The following PRKN variants were observed in gnomAD, a reference collection of about 807,000 sequenced individuals.
The protein encoded by PRKN is parkin RBR E3 ubiquitin protein ligase, also known as E3 ubiquitin-protein ligase parkin.
PRKN carries 56 observed loss-of-function variants against 59.5 expected under a neutral mutation model. That is an observed-to-expected ratio of 0.94 (90% confidence interval 0.76 to 1.18). The LOEUF (loss-of-function observed/expected upper bound fraction) is 1.18. Among genes scored for constraint, PRKN ranks in the 50% most tolerant of loss-of-function variants. PRKN has a pLI of 0.00. For synonymous variants in PRKN, 250 were observed against 222.1 expected (o/e 1.13, Z -1.12); for missense variants, 657 against 596.4 (o/e 1.10, Z -1.06).
At position 161,554,990 on chromosome 6, in the gene PRKN, T is replaced by C. The variant is rs894135317; in HGVS notation, c.934-5987A>G. ...ATTTCTGGATCAATTTTCACAAGCA[T>C]ACTGTGTCAGGAAAGTTGTACTGAA... On this transcript the variant is annotated intron_variant, in intron 8 of 11. Transcript: ENST00000366898. This position sits in a 1 kb window ranked among gnomAD's most constrained non-coding sequence, Gnocchi z 4.5. Among the ~76,000 whole-genome samples, 6 of 152,228 alleles carry C rather than the reference T, an allele frequency of 3.9e-5. No individual in the cohort carries two copies. The highest frequency in any genetic ancestry group is 1.4e-4 in the African/African-American group (6 of 41,546).
intron 6 of PRKN, among the ~76,000 whole-genome samples, chr6:161,885,961 A>T (rs148191482): frequency 6.4e-4 from 97 of 152,218 alleles, no homozygotes; most frequent in African/African-American, 2.2e-3. Context: ...AAATGTGGGG[A>T]TATAAAATAA....
At chr6:162,510,177 A>G (rs866780806) in intron 1 of PRKN, among the ~76,000 whole-genome samples, 140 of 152,350 alleles carry the variant, frequency 9.2e-4, no homozygotes, top group African/African-American at 3.2e-3. Flanking sequence ...CTCTACGTTC[A>G]CTAAATAGAC....
At chr6:161,505,405 A>C (rs1203198222) in intron 9 of PRKN, among the ~76,000 whole-genome samples, 1 of 150,580 alleles carries the variant, frequency 6.6e-6, no homozygotes, top group Non-Finnish European at 1.5e-5. Context: ...GTTTGAGTTC[A>C]TTGTAGATTC....
chr6:162,687,339 C>A (rs992535804), intron 1 of PRKN, among the ~76,000 whole-genome samples: 3 of 151,838 alleles, frequency 2.0e-5, no homozygotes, highest in Non-Finnish European at 4.4e-5. Context: ...GTGCTCACCA[C>A]CACACCCGGC....
intron 6 of PRKN, among the ~76,000 whole-genome samples, chr6:161,843,877 A>G (rs1436230734): frequency 1.3e-5 from 2 of 152,130 alleles, no homozygotes; most frequent in Non-Finnish European, 1.5e-5. Context: ...CTCAGTTTGC[A>G]TCGAGGGTGA....
chr6:162,604,594 T>TC (rs1169672539), intron 1 of PRKN, among the ~76,000 whole-genome samples: 1 of 151,940 alleles, frequency 6.6e-6, no homozygotes, highest in Admixed American at 6.6e-5. Flanking sequence ...TCCATGTTTT[T>TC]CCCCCACACT....
intron 4 of PRKN, among the ~76,000 whole-genome samples, chr6:162,157,176 T>C (rs1382780449): frequency 1.3e-5 from 2 of 152,034 alleles, no homozygotes; most frequent in Non-Finnish European, 2.9e-5. Context: ...CTACTCTTTT[T>C]AGTCTATTCT....
chr6:162,287,631 AT>A (rs1175890383), intron 2 of PRKN, among the ~76,000 whole-genome samples: 1 of 152,198 alleles, frequency 6.6e-6, no homozygotes, highest in African/African-American at 2.4e-5. Context: ...TTTAAGGGCT[AT>A]TTTAATGTAA....
chr6:162,441,740 G>T (rs973393514), intron 2 of PRKN, among the ~76,000 whole-genome samples: 2 of 152,132 alleles, frequency 1.3e-5, no homozygotes, highest in Admixed American at 6.5e-5. Context: ...TGCTTAAGAA[G>T]TGTTTGTCAA....
intron 6 of PRKN, among the ~76,000 whole-genome samples, chr6:161,898,358 T>A (rs1161801730): frequency 6.6e-6 from 1 of 152,142 alleles, no homozygotes; most frequent in African/African-American, 2.4e-5. Context: ...ATCACGAAGG[T>A]CCCACGAGCA....
chr6:161,928,510 G>A (rs1779048313), intron 6 of PRKN, among the ~76,000 whole-genome samples: 1 of 152,164 alleles, frequency 6.6e-6, no homozygotes, highest in East Asian at 1.9e-4. Flanking sequence ...TCATAAATAA[G>A]TGAATATATA....
At chr6:162,583,785 A>G (rs10945850) in intron 1 of PRKN, among the ~76,000 whole-genome samples, 31,372 of 152,156 alleles carry the variant, frequency 0.21, 3,653 homozygotes, top group African/African-American at 0.31. Context: ...CTATAAAGAA[A>G]AAATTTTCAA....
chr6:161,790,639 A>G (rs569757525), intron 6 of PRKN, among the ~76,000 whole-genome samples: 1 of 152,304 alleles, frequency 6.6e-6, no homozygotes, highest in African/African-American at 2.4e-5. Context: ...GCCACCGTCT[A>G]TGAACCAGGA....
chr6:162,353,802 T>C (rs1344311466), intron 2 of PRKN, among the ~76,000 whole-genome samples: 2 of 152,144 alleles, frequency 1.3e-5, no homozygotes, highest in African/African-American at 4.8e-5. Flanking sequence ...AAATTCCATA[T>C]AAATCTAATG....
At chr6:161,365,566 T>C (rs1785166409) in intron 10 of PRKN, among the ~76,000 whole-genome samples, 1 of 152,222 alleles carries the variant, frequency 6.6e-6, no homozygotes, top group African/African-American at 2.4e-5. Flanking sequence ...TGCAAATTTA[T>C]ATTAATATGC....
At chr6:161,635,545 G>A (rs1347336860) in intron 7 of PRKN, among the ~76,000 whole-genome samples, 1 of 152,194 alleles carries the variant, frequency 6.6e-6, no homozygotes, top group Non-Finnish European at 1.5e-5. Context: ...CGGTGTGCAG[G>A]CATTTTTCAA....
rs1163984983 is a variant in PRKN, at chr6:161,740,046, C to T, written c.871+45726G>A. On this transcript the variant is annotated intron_variant, in intron 7 of 11. Transcript: ENST00000366898. The stretch of plus-strand genomic sequence containing the variant: ...CTGGGATTACAGGCCTGAGCCACTG[C>T]GCCCGGCCAACACATGTAACTATTA... Among the ~76,000 whole-genome samples the T allele has an allele frequency of 1.3e-5, 2 of 152,178 alleles. 1 individual carries two copies. Among genetic ancestry groups the T allele is most frequent in the South Asian group, 4.1e-4 (2 of 4,828 alleles).
At chr6:161,375,599 AC>A (rs962914909) in intron 10 of PRKN, among the ~76,000 whole-genome samples, 8 of 152,150 alleles carry the variant, frequency 5.3e-5, no homozygotes, top group African/African-American at 1.9e-4. Context: ...GGTAGATCTT[AC>A]TGGCTCTGTG....
intron 4 of PRKN, among the ~76,000 whole-genome samples, chr6:162,092,624 T>A (rs1186652162): frequency 3.3e-5 from 5 of 152,192 alleles, no homozygotes; most frequent in South Asian, 2.1e-4. Flanking sequence ...AAGGGGCTAA[T>A]AAGGTATATG....
Sources: allele counts gnomAD v4.1 joint callset (sites outside exome capture counted in the v4.1 genomes callset), GRCh38; gene constraint gnomAD v4.1.1; non-coding constraint Gnocchi (gnomAD v3.1); transcripts MANE v1.5; gene names NCBI Gene and HGNC (gene_info 2026-07-23, HGNC 2026-07-21).